Variants in KIF1A observed in about 807,000 individuals in gnomAD.
KIF1A encodes kinesin-like protein KIF1A.
Under a neutral mutation model 227.3 loss-of-function variants are expected in KIF1A, and 46 were observed. The observed-to-expected ratio is 0.20, with a 90% CI of 0.16 to 0.26. KIF1A has a LOEUF of 0.26. KIF1A is among the 10% of genes least tolerant of loss of function. KIF1A has a pLI of 1.00. For synonymous variants in KIF1A, 1,022 were observed against 1,012.8 expected (o/e 1.01, Z -0.17); for missense variants, 1,683 against 2,485.9 (o/e 0.68, Z 6.87).
In KIF1A at chr2:240,788,916, G is replaced by A. The variant is rs1224677828; in HGVS notation, c.183+320C>T. Among the ~76,000 whole-genome samples, 4 of 152,112 alleles carry A rather than the reference G, an allele frequency of 2.6e-5. No individual in the cohort carries two copies. Among genetic ancestry groups the A allele is most frequent in the Admixed American group, 6.5e-5 (1 of 15,286 alleles). ...GTCTCCTGGGCTCCCAGCATGCAGGGCACAGCTTCCAGACAGGCTCAGGGT... is the reference window on the plus strand; with the variant it reads ...GTCTCCTGGGCTCCCAGCATGCAGGACACAGCTTCCAGACAGGCTCAGGGT... On this transcript the variant is annotated intron_variant, in intron 3 of 48. Coordinates refer to ENST00000498729, the MANE Select transcript of KIF1A (RefSeq NM_001244008.2). The surrounding 1 kb of genome is among the most constrained non-coding windows in gnomAD (Gnocchi z 6.6).
At chr2:240,765,542 G>A (rs547213749) in intron 20 of KIF1A, among the ~76,000 whole-genome samples, 168 bp downstream of exon 20, 1 of 152,338 alleles carries the variant, frequency 6.6e-6, no homozygotes, top group South Asian at 2.1e-4. Context: ...GGACTGGGGA[G>A]GCACATGAGC....
At position 240,788,041 on chromosome 2, in the gene KIF1A, C is replaced by CCCCAA; in HGVS notation, c.363+9_363+10insTTGGG. 2.6e-6 allele frequency: 4 copies of CCCCAA among 1,520,632 alleles called. No individual in the cohort carries two copies. Among genetic ancestry groups the CCCCAA allele is most frequent in the Non-Finnish European group, 3.6e-6 (4 of 1,121,278 alleles). 94.2% of individuals were successfully genotyped at this position (1,520,632 alleles called of 1,614,324 possible). On this transcript the variant is annotated intron_variant, in intron 4 of 48. Coordinates refer to ENST00000498729, the MANE Select transcript of KIF1A (RefSeq NM_001244008.2). This position sits in a 1 kb window ranked among gnomAD's most constrained non-coding sequence, Gnocchi z 6.6. ...GCCAGGGCTGCCCCCGCCCGCCCCC[C>CCCCAA]GCTTCGTGCCTGTGGGATGATGCCC...
intron 27 of KIF1A, among the ~76,000 whole-genome samples, chr2:240,756,184 T>G (rs2049828607): frequency 1.3e-5 from 2 of 152,114 alleles, no homozygotes; most frequent in African/African-American, 4.8e-5. Flanking sequence ...ACCCTTAGCC[T>G]TCAGCTGTCA....
intron 38 of KIF1A, among the ~76,000 whole-genome samples, chr2:240,735,543 G>A (rs1472337116): frequency 1.3e-5 from 2 of 152,178 alleles, no homozygotes; most frequent in Non-Finnish European, 2.9e-5. Context: ...GGGGTCAGAG[G>A]TCAGGAAAAT....
In KIF1A at chr2:240,761,277, G is replaced by A. The variant is rs763030199; in HGVS notation, c.2217C>T (p.Ala739=). 6.2e-7 allele frequency: 1 copy of A among 1,613,894 alleles called. No homozygotes were observed. The highest frequency in any genetic ancestry group is 8.5e-7 in the Non-Finnish European group (1 of 1,179,846). Residue 739 remains alanine, a synonymous_variant, in exon 24 of 49, where the codon GCC becomes GCT. Transcript: ENST00000498729. ...TSLRDLLWGN[A]IFLKEANAIS... ...TGGCATTGGCCTCCTTGAGGAAGAT[G>A]GCGTTGCCCCACAGCAGGTCCCGCA...
Position 240,740,047 on chromosome 2 carries a change from A to G in KIF1A, c.3901+11T>C, listed in dbSNP as rs56847463. On this transcript the variant is annotated intron_variant, in intron 37 of 48. Coordinates refer to ENST00000498729, the MANE Select transcript of KIF1A (RefSeq NM_001244008.2). The surrounding 1 kb of genome is among the most constrained non-coding windows in gnomAD (Gnocchi z 6.1). ...CCCCACCCACCAAGGCAGCCCCCACACCGCACTCACCCACGACCAGCTCGC... is the reference window on the plus strand; with the variant it reads ...CCCCACCCACCAAGGCAGCCCCCACGCCGCACTCACCCACGACCAGCTCGC... 6.7e-3 allele frequency: 10,494 copies of G among 1,571,790 alleles called. 312 individuals carry two copies. Among genetic ancestry groups the G allele is most frequent in the East Asian group, 0.062 (2,587 of 42,020 alleles).
rs1454271542 is a variant in KIF1A, at chr2:240,766,749, T to TCTCTCTCACACACACA, written c.1684+165_1684+166insTGTGTGTGTGAGAGAG. Among the ~76,000 whole-genome samples the TCTCTCTCACACACACA allele has an allele frequency of 9.2e-5, 10 of 109,024 alleles. No homozygotes were observed. The highest frequency in any genetic ancestry group is 9.2e-5 in the Admixed American group (1 of 10,910). 71.5% of individuals were successfully genotyped at this position (109,024 alleles called of 152,430 possible). On this transcript the variant is annotated intron_variant, in intron 19 of 48. Transcript: ENST00000498729. This position sits in a 1 kb window ranked among gnomAD's most constrained non-coding sequence, Gnocchi z 5.0. ...CTCTCTCTCTCTCTCTCTCTCTCTC[T>TCTCTCTCACACACACA]CACACACACACACACACACACACAC...
At chr2:240,819,144 G>A (rs1206481807) in intron 1 of KIF1A, among the ~76,000 whole-genome samples, 1 of 146,232 alleles carries the variant, frequency 6.8e-6, no homozygotes, top group African/African-American at 2.5e-5. Context: ...CCTCCCTCCC[G>A]GCGGGGATGC....
Position 240,758,461 on chromosome 2 carries a change from G to C in KIF1A, c.2481C>G (p.Arg827=). The part of the protein sequence containing the change: ...RLDLMREMYD[R]AAEVPSSVIE... The stretch of plus-strand genomic sequence containing the variant: ...TGACACTGGAGGGCACCTCTGCAGC[G>C]CGGTCGTACATCTCCCGCATCAGGT... Residue 827 remains arginine (R), a synonymous_variant, in exon 26 of 49, where the codon CGC becomes CGG. Coordinates refer to ENST00000498729, the MANE Select transcript of KIF1A (RefSeq NM_001244008.2). This position sits in a 1 kb window ranked among gnomAD's most constrained non-coding sequence, Gnocchi z 5.2. The C allele has an allele frequency of 6.2e-7, 1 of 1,608,004 alleles. No individual in the cohort carries two copies. Among genetic ancestry groups the C allele is most frequent in the Non-Finnish European group, 8.5e-7 (1 of 1,177,048 alleles).
rs746607166 is a variant in KIF1A at position 240,719,009 on chromosome 2, G to C, written c.5211C>G (p.Leu1737=). Residue 1737 remains leucine, a synonymous_variant, in exon 47 of 49, where the codon CTC becomes CTG. Coordinates refer to ENST00000498729, the MANE Select transcript of KIF1A (RefSeq NM_001244008.2). ...VEYSEDQQAM[L]KTPNTFAVCT... is the part of the protein sequence containing the mutation. ...CCTGAGCCGGGCCCAGCCGCACCTT[G>C]AGCATAGCCTGCTGGTCCTCACTGT... 4 of 1,602,642 alleles carry C rather than the reference G, an allele frequency of 2.5e-6. No homozygotes were observed. Among genetic ancestry groups the C allele is most frequent in the Non-Finnish European group, 2.6e-6 (3 of 1,171,934 alleles).
At chr2:240,770,885 C>G in intron 15 of KIF1A, 86 bp downstream of exon 15, 10 of 1,508,890 alleles carry the variant, frequency 6.6e-6, no homozygotes, top group Non-Finnish European at 9.0e-6. Context: ...ATGGGCTGTA[C>G]CCAGGAGGGC....
intron 1 of KIF1A, among the ~76,000 whole-genome samples, chr2:240,813,042 T>TCACCTCAAG (rs1553642834): frequency 3.9e-4 from 58 of 148,938 alleles, no homozygotes; most frequent in Non-Finnish European, 6.0e-4. Flanking sequence ...AGGATCCACT[T>TCACCTCAAG]GCTCCCAGTT....
Position 240,723,538 on chromosome 2 carries a change from G to C in KIF1A, c.4339C>G (p.Arg1447Gly), listed in dbSNP as rs1057519240. 3 of 1,541,064 alleles carry C rather than the reference G, an allele frequency of 1.9e-6. No individual in the cohort carries two copies. The South Asian group carries it at 3.6e-5, about 18-fold the overall frequency. The change falls in exon 42 of 49, where the codon CGA becomes GGA. Residue 1447 changes from arginine (R) to glycine (G), a missense_variant. Around this residue, in one of 12 missense-constraint regions of KIF1A, gnomAD observed 759 missense variants for 1,020.2 expected, o/e 0.74. Transcript: ENST00000498729. The stretch of plus-strand genomic sequence containing the variant: ...TAGGCCACAGATGTGTCCAGGACTC[G>C]TCGGCGCCGGCGCTGCATCCCTGCA... ...GSPGMQRRRRRVLDTSVAYVR... is the reference protein window; with the variant it reads ...GSPGMQRRRRGVLDTSVAYVR...
At chr2:240,765,666 A>G (rs370575976) in intron 20 of KIF1A, 44 bp downstream of exon 20, 2 of 1,485,024 alleles carry the variant, frequency 1.3e-6, no homozygotes, top group East Asian at 2.3e-5. Context: ...GCCTCGCCTC[A>G]TGCCTCTGCC....
At position 240,717,253 on chromosome 2, in the gene KIF1A, C is replaced by A. The variant is rs957295332; in HGVS notation, c.*111G>T. ...GCATGGGCGTCCCCTGGGGGGTCGACCCGGTCGTGGGCTGTCTGGCAGGAG... is the reference window on the plus strand; with the variant it reads ...GCATGGGCGTCCCCTGGGGGGTCGAACCGGTCGTGGGCTGTCTGGCAGGAG... On this transcript the variant is annotated 3_prime_UTR_variant, in exon 49 of 49. Transcript: ENST00000498729. 9.2e-7 allele frequency: 1 copy of A among 1,089,600 alleles called. No individual in the cohort carries two copies. The highest frequency in any genetic ancestry group is 1.5e-5 in the African/African-American group (1 of 65,026). The allele number at this position is 1,089,600 out of a possible 1,614,324, so 67.5% of individuals were successfully genotyped here. A position where few individuals can be genotyped will look rare whatever the true frequency, so the allele number is the denominator to read the frequency against.
At chr2:240,784,901 G>T (rs1348166681) in intron 7 of KIF1A, 88 bp downstream of exon 7, 3 of 1,053,548 alleles carry the variant, frequency 2.8e-6, no homozygotes, top group East Asian at 2.4e-5. Flanking sequence ...GCCTGTCCTT[G>T]TGCTGCCCCC....
intron 32 of KIF1A, 22 bp from the exon 33 acceptor site, chr2:240,744,082 G>C: frequency 6.7e-7 from 1 of 1,496,210 alleles, no homozygotes; most frequent in Non-Finnish European, 9.3e-7. Flanking sequence ...GCAGGTGGGA[G>C]GACAGGAGGG....
chr2:240,743,743 A>C (rs181868695), intron 33 of KIF1A, among the ~76,000 whole-genome samples, 199 bp downstream of exon 33: 1 of 152,322 alleles, frequency 6.6e-6, no homozygotes, highest in African/African-American at 2.4e-5. Flanking sequence ...GTCCCGAAGG[A>C]GAGAAGCTGC....
chr2:240,759,345 C>T (rs114534643), intron 25 of KIF1A, among the ~76,000 whole-genome samples: 3,226 of 152,212 alleles, frequency 0.021, 58 homozygotes, highest in Middle Eastern at 0.048. Flanking sequence ...CACAAACCAA[C>T]CAATCCCAAG....
Sources: gnomAD v4.1 joint callset for allele counts (sites outside exome capture counted in the v4.1 genomes callset) on GRCh38, gnomAD v4.1.1 for gene constraint, gnomAD v4.1.1 regional missense constraint, Gnocchi (gnomAD v3.1) non-coding constraint, MANE v1.5 for transcripts, NCBI Gene and HGNC (gene_info 2026-07-23, HGNC 2026-07-21) for gene names.